Variants in ALCAM observed in about 807,000 individuals in gnomAD.
ALCAM encodes activated leukocyte cell adhesion molecule, also known as CD166 antigen.
Under a neutral mutation model 70.9 loss-of-function variants are expected in ALCAM, and 30 were observed. The observed-to-expected ratio is 0.42, with a 90% CI of 0.32 to 0.57. The LOEUF (loss-of-function observed/expected upper bound fraction) is 0.57. Ranked by LOEUF, ALCAM falls within the 20% of genes least tolerant of loss-of-function variation. ALCAM has a pLI of 0.11. For synonymous variants in ALCAM, 249 were observed against 242.5 expected (o/e 1.03, Z -0.25); for missense variants, 591 against 695.1 (o/e 0.85, Z 1.68).
chr3:105,439,080 G>A (rs1937115808), intron 1 of ALCAM, among the ~76,000 whole-genome samples: 1 of 152,164 alleles, frequency 6.6e-6, no homozygotes, highest in Non-Finnish European at 1.5e-5. Flanking sequence ...TAGACAGTGA[G>A]TAATCAAAAT....
intron 1 of ALCAM, among the ~76,000 whole-genome samples, chr3:105,509,190 G>A (rs372660954): frequency 6.6e-6 from 1 of 151,946 alleles, no homozygotes; most frequent in Non-Finnish European, 1.5e-5. Flanking sequence ...GGGAGTACAG[G>A]CATCTCAGTA....
intron 6 of ALCAM, among the ~76,000 whole-genome samples, chr3:105,536,547 G>A (rs1454483823): frequency 6.6e-6 from 1 of 152,200 alleles, no homozygotes; most frequent in African/African-American, 2.4e-5. Context: ...GAGGCATGCA[G>A]AGTTGGGTAG....
intron 1 of ALCAM, among the ~76,000 whole-genome samples, chr3:105,465,440 C>A (rs2152600058): frequency 6.6e-6 from 1 of 151,326 alleles, no homozygotes; most frequent in Admixed American, 6.6e-5. Context: ...AATTAGAGCC[C>A]TAGTAAAAAT....
At chr3:105,490,282 T>G (rs1019169030) in intron 1 of ALCAM, among the ~76,000 whole-genome samples, 1 of 152,242 alleles carries the variant, frequency 6.6e-6, no homozygotes, top group African/African-American at 2.4e-5. Context: ...ATTCAGTTGA[T>G]GCCTTGTACT....
chr3:105,439,904 T>C (rs1937134477), intron 1 of ALCAM, among the ~76,000 whole-genome samples: 1 of 152,232 alleles, frequency 6.6e-6, no homozygotes, highest in South Asian at 2.1e-4. Flanking sequence ...CTGTTGTTGA[T>C]ATTTGGCTAT....
chr3:105,420,765 A>C (rs1019219557), intron 1 of ALCAM, among the ~76,000 whole-genome samples: 1 of 151,566 alleles, frequency 6.6e-6, no homozygotes, highest in Non-Finnish European at 1.5e-5. Context: ...GCATATTTAC[A>C]CCTAATTATA....
chr3:105,492,748 A>G (rs939894076), intron 1 of ALCAM, among the ~76,000 whole-genome samples: 1 of 152,208 alleles, frequency 6.6e-6, no homozygotes, highest in Non-Finnish European at 1.5e-5. Flanking sequence ...TTTTTGGGGT[A>G]TTAATTTTTC....
chr3:105,371,949 T>C (rs1935247073), intron 1 of ALCAM, among the ~76,000 whole-genome samples: 1 of 152,200 alleles, frequency 6.6e-6, no homozygotes. Flanking sequence ...TCTTACACAT[T>C]ATGTGTGTGA....
chr3:105,420,460 A>G (rs1936620410), intron 1 of ALCAM, among the ~76,000 whole-genome samples: 1 of 151,722 alleles, frequency 6.6e-6, no homozygotes, highest in Non-Finnish European at 1.5e-5. Context: ...CTGCATCTAA[A>G]CTTCAGCCAA....
At chr3:105,458,408 G>T (rs930455348) in intron 1 of ALCAM, among the ~76,000 whole-genome samples, 1 of 152,160 alleles carries the variant, frequency 6.6e-6, no homozygotes. Flanking sequence ...GGCCAAAGGA[G>T]ATCCTACTCC....
intron 14 of ALCAM, among the ~76,000 whole-genome samples, chr3:105,558,135 G>A (rs760728520): frequency 2.6e-5 from 4 of 152,092 alleles, no homozygotes; most frequent in South Asian, 2.1e-4. Flanking sequence ...ATCAATGGCC[G>A]GTTTGCTGGA....
chr3:105,506,521 T>A (rs76698834), intron 1 of ALCAM, among the ~76,000 whole-genome samples: 3,208 of 152,324 alleles, frequency 0.021, 110 homozygotes, highest in African/African-American at 0.073. Context: ...ACTAAATACA[T>A]GATATAATCT....
chr3:105,555,758 T>C (rs765431062), intron 14 of ALCAM, among the ~76,000 whole-genome samples: 106 of 151,928 alleles, frequency 7.0e-4, no homozygotes, highest in Non-Finnish European at 5.3e-4. Context: ...TTTTCAAAAA[T>C]GGAAAACTGG....
chr3:105,495,990 T>C (rs1009441487), intron 1 of ALCAM, among the ~76,000 whole-genome samples: 5 of 152,232 alleles, frequency 3.3e-5, no homozygotes, highest in Non-Finnish European at 5.9e-5. Flanking sequence ...GCAAAAATGC[T>C]GATAGCTTCA....
chr3:105,446,673 T>TA (rs921224860), intron 1 of ALCAM, among the ~76,000 whole-genome samples: 13 of 149,648 alleles, frequency 8.7e-5, no homozygotes, highest in African/African-American at 3.2e-4. Context: ...TACTGAGCCC[T>TA]AAAAAAGCAT....
chr3:105,497,501 C>A (rs1339491027), intron 1 of ALCAM, among the ~76,000 whole-genome samples: 1 of 152,108 alleles, frequency 6.6e-6, no homozygotes, highest in African/African-American at 2.4e-5. Context: ...GTTAGCAAAT[C>A]AAATTTCTTT....
At chr3:105,455,758 AC>A (rs756317329) in intron 1 of ALCAM, among the ~76,000 whole-genome samples, 3 of 152,176 alleles carry the variant, frequency 2.0e-5, no homozygotes, top group Non-Finnish European at 4.4e-5. Context: ...AGAAGTTACT[AC>A]CCTTTTCCGG....
At chr3:105,541,431 C>A (rs533690032) in intron 7 of ALCAM, among the ~76,000 whole-genome samples, 31 of 152,036 alleles carry the variant, frequency 2.0e-4, no homozygotes, top group African/African-American at 7.2e-4. Context: ...TAAATCAGCT[C>A]TCAAATTCCT....
chr3:105,551,929 T>C (rs1472474541), intron 12 of ALCAM, among the ~76,000 whole-genome samples: 1 of 151,600 alleles, frequency 6.6e-6, no homozygotes, highest in Non-Finnish European at 1.5e-5. Context: ...GGTAGATTAA[T>C]ATCTTTGCAG....
Sources: allele counts gnomAD v4.1 joint callset (sites outside exome capture counted in the v4.1 genomes callset), GRCh38; gene constraint gnomAD v4.1.1; transcripts MANE v1.5; gene names NCBI Gene and HGNC (gene_info 2026-07-23, HGNC 2026-07-21).